PKD1: variants seen among roughly 807,000 people sequenced by gnomAD.
PKD1 encodes the protein polycystin-1.
In PKD1, 81 loss-of-function variants were observed where a neutral mutation model predicts 361.7. That is an observed-to-expected ratio of 0.22 (90% CI 0.19 to 0.27). The LOEUF (loss-of-function observed/expected upper bound fraction) is 0.27. Ranked by LOEUF, PKD1 falls within the 10% of genes least tolerant of loss-of-function variation. The pLI, the probability that PKD1 is intolerant of heterozygous loss-of-function variation, is 1.00. For missense variants in PKD1, 6,399 were observed against 6,118.3 expected, an observed-to-expected ratio of 1.05 and a Z score of -1.53; for synonymous variants, 3,615 against 2,818.3, an observed-to-expected ratio of 1.28 and a Z score of -8.95.
In PKD1 at chr16:2,099,725, G is replaced by A. The variant is rs769133682; in HGVS notation, c.9969C>T (p.Val3323=). The A allele has an allele frequency of 7.8e-5, 122 of 1,570,820 alleles. 2 individuals carry two copies. The South Asian group carries it at 8.0e-4, about 10-fold the overall frequency. The change falls in exon 30 of 46, where the codon GTC becomes GTT. Residue 3323 remains valine (V), a synonymous_variant. Coordinates refer to ENST00000262304, the MANE Select transcript of PKD1 (RefSeq NM_001009944.3). The part of the protein sequence containing the change: ...SRLSPLSVDT[V]AVGLVSSVVV... ...CCACGCTGGACACCAGGCCAACAGC[G>A]ACTGTGTCGACGCTCAGCGGGCTCA...
At position 2,091,540 on chromosome 16, in the gene PKD1, G is replaced by A. The variant is rs755981771; in HGVS notation, c.11595C>T (p.Ala3865=). ...TRYSPAVGLH[A]AVTLRLEFPA... ...GGAACTCGAGGCGCAGCGTGACGGC[G>A]GCGTGCAGCCCCACGGCCGGGCTGT... is the stretch of plus-strand genomic sequence containing the variant. The change falls in exon 42 of 46, where the codon GCC becomes GCT. Residue 3865 remains alanine (A), a synonymous_variant. Coordinates refer to ENST00000262304, the MANE Select transcript of PKD1 (RefSeq NM_001009944.3). 9 of 1,509,038 alleles carry A rather than the reference G, an allele frequency of 6.0e-6. No individual in the cohort carries two copies. In the African/African-American group the frequency reaches 1.2e-4, roughly 19 times the overall value. 93.5% of individuals were successfully genotyped at this position (1,509,038 alleles called of 1,614,324 possible). A position where few individuals can be genotyped will look rare whatever the true frequency, so the allele number is the denominator to read the frequency against.
Position 2,105,379 on chromosome 16 carries a change from C to T in PKD1, c.7959G>A (p.Leu2653=). 3 of 1,587,538 alleles carry T rather than the reference C, an allele frequency of 1.9e-6. No homozygotes were observed. Among genetic ancestry groups the T allele is most frequent in the Non-Finnish European group, 2.6e-6 (3 of 1,173,166 alleles). Residue 2653 remains leucine (L), a synonymous_variant, in exon 21 of 46, where the codon CTG becomes CTA. Transcript: ENST00000262304. The part of the protein sequence containing the change: ...RKNITETLVS[L]RVHTVDDIQQ... ...GGATGTCATCCACAGTGTGGACCCT[C>T]AGGGACACCAGAGTCTCCGTGATGT...
At chr16:2,128,404 TC>T (rs1353661538) in intron 1 of PKD1, among the ~76,000 whole-genome samples, 1 of 150,420 alleles carries the variant, frequency 6.6e-6, no homozygotes, top group Non-Finnish European at 1.5e-5. Context: ...CCTCAGCCCC[TC>T]GGGGAGTGCA....
intron 1 of PKD1, among the ~76,000 whole-genome samples, chr16:2,124,408 G>A (rs778884019): frequency 3.9e-5 from 6 of 152,266 alleles, no homozygotes; most frequent in Admixed American, 6.5e-5. Context: ...TTGGCGCGAG[G>A]GTGGGTGAAG....
chr16:2,101,754 C>G (rs1301712337), intron 26 of PKD1, among the ~76,000 whole-genome samples: 1 of 152,268 alleles, frequency 6.6e-6, no homozygotes, highest in African/African-American at 2.4e-5. Context: ...CAGTCAGGAT[C>G]GCGGGTGGAT....
chr16:2,090,861 G>A lies in PKD1; in HGVS notation c.12003+23C>T, dbSNP rs1334279261. 5.6e-6 allele frequency: 9 copies of A among 1,607,496 alleles called. No individual in the cohort carries two copies. In the Admixed American group the frequency reaches 1.2e-4, roughly 21 times the overall value. On this transcript the variant is annotated intron_variant, in intron 43 of 45. Coordinates refer to ENST00000262304, the MANE Select transcript of PKD1 (RefSeq NM_001009944.3). ...AGCCCTGGGGTGTGCGCCCAGCCCCGCGCCCACCGGCCCAGCCCTCACCTT... is the reference window on the plus strand; with the variant it reads ...AGCCCTGGGGTGTGCGCCCAGCCCCACGCCCACCGGCCCAGCCCTCACCTT...
At chr16:2,107,701 G>C (rs1245867531) in intron 16 of PKD1, 182 bp downstream of exon 16, 10 of 667,928 alleles carry the variant, frequency 1.5e-5, no homozygotes, top group Non-Finnish European at 2.4e-5. Flanking sequence ...ACTGTACGTG[G>C]AACTGTGGCA....
rs2575314 is a variant in PKD1, at chr16:2,110,471, C to T, written c.4696G>A (p.Val1566Met). ...GCCTCCAGCGACGTGCTGAAGCTCACGCTCCCATTCAGGGGCACCACCGTG... is the reference window on the plus strand; with the variant it reads ...GCCTCCAGCGACGTGCTGAAGCTCATGCTCCCATTCAGGGGCACCACCGTG... ...SRTVVPLNGS[V>M]SFSTSLEAGS... Residue 1566 changes from valine (V) to methionine (M), a missense_variant, in exon 15 of 46, where the codon GTG (valine) becomes ATG (methionine). By Grantham distance (21) the Val-to-Met change is conservative (BLOSUM62 1). Coordinates refer to ENST00000262304, the MANE Select transcript of PKD1 (RefSeq NM_001009944.3). 16 of 1,612,346 alleles carry T rather than the reference C, an allele frequency of 9.9e-6. No homozygotes were observed. Among genetic ancestry groups the T allele is most frequent in the East Asian group, 2.2e-5 (1 of 44,898 alleles).
chr16:2,102,642 G>A lies in PKD1; in HGVS notation c.8949-9C>T, dbSNP rs771094652. ...CCGCTGGGTCTCTGCTCCTGGGCAG[G>A]GAAGGGGTAGCGGACGTGAGCCCAG... On this transcript the variant is annotated splice_polypyrimidine_tract_variant and intron_variant, in intron 24 of 45. Transcript: ENST00000262304. The A allele has an allele frequency of 6.2e-7, 1 of 1,610,932 alleles. No homozygotes were observed. Among genetic ancestry groups the A allele is most frequent in the Non-Finnish European group, 8.5e-7 (1 of 1,179,784 alleles).
In PKD1 at chr16:2,106,754, C is replaced by G. The variant is rs764174455; in HGVS notation, c.7209+51G>C. 1 of 1,507,052 alleles carries G rather than the reference C, an allele frequency of 6.6e-7. No homozygotes were observed. The highest frequency in any genetic ancestry group is 2.3e-5 in the East Asian group (1 of 44,018). The allele number at this position is 1,507,052 out of a possible 1,614,324, so 93.4% of individuals were successfully genotyped here. Reference sequence around the variant, plus strand: ...CACTTCTGCCTGCAGGCCCCGTCCCCTCGGCCATGGGACCCATCCCCAGCC... The same window carrying G: ...CACTTCTGCCTGCAGGCCCCGTCCCGTCGGCCATGGGACCCATCCCCAGCC... On this transcript the variant is annotated intron_variant, in intron 17 of 45. Transcript: ENST00000262304. This position sits in a 1 kb window ranked among gnomAD's most constrained non-coding sequence, Gnocchi z 6.5.
Position 2,106,528 on chromosome 16 carries a change from G to A in PKD1, c.7359C>T (p.Arg2453=). Residue 2453 remains arginine (R), a synonymous_variant, in exon 18 of 46, where the codon CGC becomes CGT. Coordinates refer to ENST00000262304, the MANE Select transcript of PKD1 (RefSeq NM_001009944.3). The surrounding 1 kb of genome is among the most constrained non-coding windows in gnomAD (Gnocchi z 6.5). Reference sequence around the variant, plus strand: ...AGGCGCAGCCCTCCTCCTCGCCAGAGCGGCCCAGCACCGTGAGCGTGAAGG... The same window carrying A: ...AGGCGCAGCCCTCCTCCTCGCCAGAACGGCCCAGCACCGTGAGCGTGAAGG... ...GYTFTLTVLG[R]SGEEEGCASI... is the part of the protein sequence containing the mutation. 6.3e-7 allele frequency: 1 copy of A among 1,596,204 alleles called. No individual in the cohort carries two copies. Among genetic ancestry groups the A allele is most frequent in the African/African-American group, 1.3e-5 (1 of 74,916 alleles).
Position 2,100,590 on chromosome 16 carries a change from G to A in PKD1, c.9398-24C>T. The stretch of plus-strand genomic sequence containing the variant: ...ACCTGGGAGGCAAGAGGGAGGGGTG[G>A]GAGGCTCGGTCTGCTGCCCAACACG... On this transcript the variant is annotated intron_variant, in intron 26 of 45. Coordinates refer to ENST00000262304, the MANE Select transcript of PKD1 (RefSeq NM_001009944.3). The surrounding 1 kb of genome is among the most constrained non-coding windows in gnomAD (Gnocchi z 4.4). The A allele has an allele frequency of 6.2e-7, 1 of 1,602,814 alleles. No individual in the cohort carries two copies. The highest frequency in any genetic ancestry group is 8.5e-7 in the Non-Finnish European group (1 of 1,175,340).
intron 1 of PKD1, among the ~76,000 whole-genome samples, chr16:2,120,805 T>A (rs2092708600): frequency 6.6e-6 from 1 of 151,982 alleles, no homozygotes; most frequent in Non-Finnish European, 1.5e-5. Context: ...GATCATGAGA[T>A]CAAGAGATCG....
intron 1 of PKD1, among the ~76,000 whole-genome samples, chr16:2,121,887 C>T (rs1346004370): frequency 6.6e-6 from 1 of 152,234 alleles, no homozygotes; most frequent in Admixed American, 6.5e-5. Flanking sequence ...CCTAGACTTG[C>T]TCTTCCCAGC....
Position 2,092,992 on chromosome 16 carries a change from C to G in PKD1, c.11118G>C (p.Lys3706Asn), listed in dbSNP as rs568864622. ...GHAYRLQSAI[K>N]QELHSRAFLA... ...GGAAGGCCCGGCTGTGCAGCTCCTG[C>G]TTGATGGCGCTTTGCAGACGGTAGG... The change falls in exon 38 of 46, where the codon AAG becomes AAC. Residue 3706 changes from lysine to asparagine, a missense_variant. Physicochemically the swap from Lys to Asn is moderately conservative, Grantham distance 94 (BLOSUM62 0). Transcript: ENST00000262304. 6.2e-7 allele frequency: 1 copy of G among 1,613,018 alleles called. No individual in the cohort carries two copies. Among genetic ancestry groups the G allele is most frequent in the African/African-American group, 1.3e-5 (1 of 75,060 alleles).
chr16:2,133,215 G>A (rs915925404), intron 1 of PKD1: 3 of 149,988 alleles, frequency 2.0e-5, no homozygotes, highest in Admixed American at 6.6e-5. Flanking sequence ...ACGAAGCTTC[G>A]AGCCACGCAG....
chr16:2,101,618 T>C (rs1388873537), intron 26 of PKD1, among the ~76,000 whole-genome samples: 4 of 152,034 alleles, frequency 2.6e-5, no homozygotes, highest in African/African-American at 7.2e-5. Context: ...ACTCCGTCTC[T>C]AAAAAAAGAA....
At chr16:2,122,522 C>T (rs940634857) in intron 1 of PKD1, among the ~76,000 whole-genome samples, 3 of 152,206 alleles carry the variant, frequency 2.0e-5, no homozygotes, top group Non-Finnish European at 4.4e-5. Flanking sequence ...GGCCCACAGC[C>T]GCGCTGCTAG....
chr16:2,130,333 C>T (rs2092856851), intron 1 of PKD1, among the ~76,000 whole-genome samples: 1 of 152,176 alleles, frequency 6.6e-6, no homozygotes. Context: ...ACCCCTGCCC[C>T]CGAGTCACCT....
Sources: allele counts gnomAD v4.1 joint callset (sites outside exome capture counted in the v4.1 genomes callset), GRCh38; gene constraint gnomAD v4.1.1; non-coding constraint Gnocchi (gnomAD v3.1); transcripts MANE v1.5; gene names NCBI Gene and HGNC (gene_info 2026-07-23, HGNC 2026-07-21).